The following PLPP1 variants were observed in gnomAD, a reference collection of about 807,000 sequenced individuals.
The protein encoded by PLPP1 is lipid phosphate phosphohydrolase 1a.
PLPP1 carries 24 observed loss-of-function variants against 31.2 expected under a neutral mutation model. The ratio of observed to expected loss-of-function variants is 0.77; its 90% CI spans 0.56 to 1.08. The LOEUF (loss-of-function observed/expected upper bound fraction) is 1.08, where lower values mean the gene tolerates loss of function less well. Ranked by LOEUF, PLPP1 falls within the 50% of genes least tolerant of loss-of-function variation. The pLI, the probability that PLPP1 is intolerant of heterozygous loss-of-function variation, is 0.00. For synonymous variants in PLPP1, 146 were observed against 126.3 expected (o/e 1.16, Z -1.05); for missense variants, 319 against 342.7 (o/e 0.93, Z 0.55).
intron 1 of PLPP1, among the ~76,000 whole-genome samples, chr5:55,496,515 C>T (rs1753005946): frequency 6.6e-6 from 1 of 152,212 alleles, no homozygotes; most frequent in African/African-American, 2.4e-5. Flanking sequence ...ATATTCCCAT[C>T]CTCTCTGTTG....
chr5:55,534,612 C>T lies in PLPP1; in HGVS notation c.18G>A (p.Arg6=). ...GCACATCGAGGGCCACGTACGGCAG[C>T]CGCGTCTTGTCAAACATGGTCTCTG... MFDKT[R]LPYVALDVLC... Residue 6 remains arginine (R), a synonymous_variant, in exon 1 of 6, where the codon CGG becomes CGA. Transcript: ENST00000307259. 6.4e-7 allele frequency: 1 copy of T among 1,558,500 alleles called. No individual in the cohort carries two copies. The highest frequency in any genetic ancestry group is 8.7e-7 in the Non-Finnish European group (1 of 1,154,210).
intron 1 of PLPP1, among the ~76,000 whole-genome samples, chr5:55,486,509 C>G (rs957300497): frequency 1.3e-5 from 2 of 151,922 alleles, no homozygotes; most frequent in African/African-American, 4.8e-5. Context: ...TCACTTGAAC[C>G]CAGGAGGCGG....
At chr5:55,428,087 C>T (rs1384304832) in intron 4 of PLPP1, among the ~76,000 whole-genome samples, 1 of 152,060 alleles carries the variant, frequency 6.6e-6, no homozygotes, top group Non-Finnish European at 1.5e-5. Context: ...ACACCCAGCT[C>T]GCTCCAACAC....
intron 4 of PLPP1, among the ~76,000 whole-genome samples, chr5:55,428,774 T>C (rs1169209852): frequency 6.6e-6 from 1 of 152,178 alleles, no homozygotes; most frequent in Non-Finnish European, 1.5e-5. Flanking sequence ...TCCACTCTTC[T>C]CTCCTCCCCA....
chr5:55,428,210 T>A (rs909606236), intron 4 of PLPP1, among the ~76,000 whole-genome samples: 2 of 152,246 alleles, frequency 1.3e-5, no homozygotes, highest in South Asian at 4.1e-4. Context: ...AGAAATTATT[T>A]CACCGTGAGA....
intron 3 of PLPP1, among the ~76,000 whole-genome samples, chr5:55,461,797 C>A (rs981457278): frequency 5.9e-5 from 9 of 152,064 alleles, no homozygotes; most frequent in Admixed American, 1.3e-4. Flanking sequence ...TATTCACACA[C>A]AACATGAATG....
intron 1 of PLPP1, chr5:55,490,901 T>C (rs1752874229): frequency 4.6e-6 from 7 of 1,520,166 alleles, no homozygotes; most frequent in South Asian, 3.6e-5. Context: ...CCCAACTCCA[T>C]GCTTCATCCA....
At chr5:55,430,746 T>C (rs943058041) in intron 4 of PLPP1, among the ~76,000 whole-genome samples, 1 of 151,950 alleles carries the variant, frequency 6.6e-6, no homozygotes, top group African/African-American at 2.4e-5. Flanking sequence ...AATGAAGAAA[T>C]GTGTGAAATC....
At chr5:55,506,690 C>T (rs181986122) in intron 1 of PLPP1, among the ~76,000 whole-genome samples, 157 of 152,212 alleles carry the variant, frequency 1.0e-3, no homozygotes, top group Non-Finnish European at 1.9e-3. Context: ...ACATTCCATT[C>T]CCCCCAAAAT....
chr5:55,482,109 G>T (rs1344984078), intron 1 of PLPP1, among the ~76,000 whole-genome samples: 1 of 146,146 alleles, frequency 6.8e-6, no homozygotes. Context: ...TTATATTTAA[G>T]TATTATATTT....
intron 1 of PLPP1, among the ~76,000 whole-genome samples, chr5:55,511,659 T>TG: frequency 2.1e-5 from 2 of 96,168 alleles, no homozygotes; most frequent in Non-Finnish European, 4.5e-5. Flanking sequence ...AGTTTTTTTT[T>TG]TTTTTTTTTT....
intron 1 of PLPP1, among the ~76,000 whole-genome samples, chr5:55,521,267 C>T (rs981987343): frequency 3.3e-5 from 5 of 151,790 alleles, no homozygotes; most frequent in African/African-American, 9.7e-5. Flanking sequence ...GCAGGAAGAT[C>T]GCTGGAATCC....
intron 1 of PLPP1, chr5:55,530,583 G>T (rs1740627623): frequency 1.5e-6 from 2 of 1,320,978 alleles, no homozygotes; most frequent in African/African-American, 1.4e-5. Context: ...CTTCTTACAA[G>T]ATTTGCAATG....
In PLPP1 at chr5:55,467,869, CT is replaced by C; in HGVS notation, c.490del (p.Arg164GlyfsTer27). ...CAAGCATTAGCGATTTAACACTCAC[CT>C]GCCTTCCTTAACTCTTTCTGCATTC... is the stretch of plus-strand genomic sequence containing the variant. Reference protein sequence around the residue: ...RGNAERVKEGRLSFYSGHSSF... With the variant: ...RGNAERVKEGXLSFYSGHSSF... On this transcript the variant is annotated frameshift_variant and splice_region_variant, in exon 3 of 6. Transcript: ENST00000307259. LOFTEE classifies it high-confidence loss of function. 2.5e-6 allele frequency: 4 copies of C among 1,607,502 alleles called. No individual in the cohort carries two copies. Among genetic ancestry groups the C allele is most frequent in the Non-Finnish European group, 3.4e-6 (4 of 1,176,216 alleles).
At chr5:55,514,561 A>C (rs1421005110) in intron 1 of PLPP1, among the ~76,000 whole-genome samples, 1 of 152,234 alleles carries the variant, frequency 6.6e-6, no homozygotes, top group Non-Finnish European at 1.5e-5. Context: ...CAGAAACTAA[A>C]ATAAAGTTAT....
At chr5:55,437,470 CA>C (rs1751519906) in intron 4 of PLPP1, among the ~76,000 whole-genome samples, 1 of 115,428 alleles carries the variant, frequency 8.7e-6, no homozygotes, top group Non-Finnish European at 1.9e-5. Flanking sequence ...TTTGTTTTTT[CA>C]AAAAAGAATA....
chr5:55,521,196 T>C (rs1197491381), intron 1 of PLPP1, among the ~76,000 whole-genome samples: 2 of 151,622 alleles, frequency 1.3e-5, no homozygotes, highest in African/African-American at 4.9e-5. Context: ...CTACTAAAAA[T>C]ACAAAAATTA....
intron 2 of PLPP1, among the ~76,000 whole-genome samples, chr5:55,471,862 T>C (rs541190973): frequency 1.4e-4 from 22 of 152,344 alleles, no homozygotes; most frequent in Admixed American, 3.3e-4. Flanking sequence ...CTTACACCTA[T>C]AATCCCAGCA....
At chr5:55,482,510 T>G (rs998179274) in intron 1 of PLPP1, among the ~76,000 whole-genome samples, 2 of 152,182 alleles carry the variant, frequency 1.3e-5, no homozygotes, top group Non-Finnish European at 2.9e-5. Context: ...CCATTCCTAC[T>G]CTAGTGAAGA....
Sources: gnomAD v4.1 joint callset for allele counts (sites outside exome capture counted in the v4.1 genomes callset) on GRCh38, gnomAD v4.1.1 for gene constraint, MANE v1.5 for transcripts, NCBI Gene and HGNC (gene_info 2026-07-23, HGNC 2026-07-21) for gene names.